The following KHDC1 variants were observed in gnomAD, a reference collection of about 807,000 sequenced individuals.
The protein encoded by KHDC1 is KH domain containing 1, also known as KH homology domain-containing protein 1.
KHDC1 carries 21 observed loss-of-function variants against 24.7 expected under a neutral mutation model. That is an observed-to-expected ratio of 0.85 (90% CI 0.60 to 1.23). The LOEUF (loss-of-function observed/expected upper bound fraction) is 1.23, where lower values mean the gene tolerates loss of function less well. Ranked by LOEUF, KHDC1 falls within the 50% of genes most tolerant of loss-of-function variation. The pLI, the probability that KHDC1 is intolerant of heterozygous loss-of-function variation, is 0.00. For missense variants in KHDC1, 274 were observed against 298.5 expected, an observed-to-expected ratio of 0.92 and a Z score of 0.61; for synonymous variants, 98 against 111.7, an observed-to-expected ratio of 0.88 and a Z score of 0.77.
chr6:73,278,009 G>GTTTT (rs70994182), intron 2 of KHDC1, among the ~76,000 whole-genome samples: 16 of 106,350 alleles, frequency 1.5e-4, no homozygotes, highest in African/African-American at 2.3e-4. Context: ...TCTCTCGGGT[G>GTTTT]TTTTTTTTTT....
At chr6:73,255,796 C>G (rs561148143) in intron 2 of KHDC1, among the ~76,000 whole-genome samples, 1 of 150,456 alleles carries the variant, frequency 6.6e-6, no homozygotes, top group African/African-American at 2.4e-5. Flanking sequence ...CAGCTACTCA[C>G]GAGGCTGAGA....
chr6:73,292,903 G>C (rs1767682521), intron 1 of KHDC1: 1 of 797,240 alleles, frequency 1.3e-6, no homozygotes, highest in Admixed American at 1.9e-5. Flanking sequence ...CAGTGCTTGT[G>C]AACGACTTCT....
chr6:73,292,944 A>G lies in KHDC1; in HGVS notation c.164-904T>C. 21 of 865,262 alleles carry G rather than the reference A, an allele frequency of 2.4e-5. 1 individual carries two copies. In the South Asian group the frequency reaches 2.7e-4, roughly 11 times the overall value. 53.6% of individuals were successfully genotyped at this position (865,262 alleles called of 1,614,324 possible). On this transcript the variant is annotated intron_variant, in intron 1 of 4. Transcript: ENST00000370384. Reference sequence around the variant, plus strand: ...GCTTGTCTTAAGGATTTCATTGACAATGCCCATCTCTTCATATTTGAGACT... The same window carrying G: ...GCTTGTCTTAAGGATTTCATTGACAGTGCCCATCTCTTCATATTTGAGACT...
chr6:73,280,903 T>C (rs545027118), intron 2 of KHDC1, among the ~76,000 whole-genome samples: 1 of 151,250 alleles, frequency 6.6e-6, no homozygotes, highest in East Asian at 2.0e-4. Flanking sequence ...ATCTTCTTCC[T>C]AAAGCACATC....
At chr6:73,265,972 A>C (rs921779867) in intron 2 of KHDC1, among the ~76,000 whole-genome samples, 3 of 152,118 alleles carry the variant, frequency 2.0e-5, no homozygotes, top group Non-Finnish European at 4.4e-5. Flanking sequence ...CCCAGGCTAA[A>C]GTGCAGTGCA....
intron 1 of KHDC1, among the ~76,000 whole-genome samples, chr6:73,306,504 C>G (rs1767965769): frequency 6.6e-6 from 1 of 152,146 alleles, no homozygotes; most frequent in African/African-American, 2.4e-5. Flanking sequence ...TCACTCCAAC[C>G]TGGTTTCTGA....
intron 2 of KHDC1, among the ~76,000 whole-genome samples, chr6:73,284,235 G>A (rs905348480): frequency 3.9e-4 from 59 of 152,222 alleles, no homozygotes; most frequent in Admixed American, 3.3e-3. Context: ...TTACTGCTCA[G>A]AAGGTATGTG....
chr6:73,255,668 G>A (rs1371200360), intron 2 of KHDC1, among the ~76,000 whole-genome samples: 13 of 150,076 alleles, frequency 8.7e-5, no homozygotes, highest in South Asian at 2.1e-4. Context: ...TTGGGAGGCC[G>A]AGGTGGGCAG....
At chr6:73,305,603 T>C (rs1323478639) in intron 1 of KHDC1, among the ~76,000 whole-genome samples, 1 of 152,228 alleles carries the variant, frequency 6.6e-6, no homozygotes, top group South Asian at 2.1e-4. Flanking sequence ...TAAGATATTC[T>C]AGCTACTTTT....
intron 2 of KHDC1, among the ~76,000 whole-genome samples, chr6:73,277,251 G>A (rs1189408783): frequency 6.6e-6 from 1 of 152,136 alleles, no homozygotes; most frequent in Non-Finnish European, 1.5e-5. Flanking sequence ...GATCACCTGA[G>A]GTCAGGAGTT....
intron 2 of KHDC1, among the ~76,000 whole-genome samples, chr6:73,291,710 T>A (rs1045556385): frequency 1.3e-5 from 2 of 152,084 alleles, no homozygotes; most frequent in Admixed American, 6.5e-5. Flanking sequence ...AAGGTGGATT[T>A]TGAATTATTT....
chr6:73,254,442 C>A lies in KHDC1; in HGVS notation c.207-11912G>T, dbSNP rs544258455. 1.0e-4 allele frequency among the ~76,000 whole-genome samples: 15 copies of A among 150,598 alleles called. No individual in the cohort carries two copies. The East Asian group carries it at 2.5e-3, about 25-fold the overall frequency. ...GGCCACTGCACTCCAGCCTGGGCGA[C>A]AGAATGAGACTCTGTCTTAAAATAA... On this transcript the variant is annotated intron_variant, in intron 2 of 4. Transcript: ENST00000370384.
At chr6:73,258,995 C>T (rs1249453873) in intron 2 of KHDC1, among the ~76,000 whole-genome samples, 1 of 152,154 alleles carries the variant, frequency 6.6e-6, no homozygotes, top group African/African-American at 2.4e-5. Context: ...AGAGGAATGG[C>T]AGTAATTGCA....
chr6:73,282,255 TG>T (rs1430554831), intron 2 of KHDC1, among the ~76,000 whole-genome samples: 1 of 151,190 alleles, frequency 6.6e-6, no homozygotes, highest in Non-Finnish European at 1.5e-5. Context: ...TAGTGGAGTT[TG>T]TCTGAAGTCT....
At chr6:73,272,078 G>A (rs1046259008) in intron 2 of KHDC1, among the ~76,000 whole-genome samples, 14 of 151,206 alleles carry the variant, frequency 9.3e-5, no homozygotes, top group African/African-American at 2.7e-4. Context: ...ACTACTCATA[G>A]AAAAGCACAA....
At chr6:73,267,524 T>A (rs1182268249) in intron 2 of KHDC1, among the ~76,000 whole-genome samples, 1 of 152,034 alleles carries the variant, frequency 6.6e-6, no homozygotes, top group Non-Finnish European at 1.5e-5. Context: ...AAAGACAAAA[T>A]TGTTGGCAAA....
intron 2 of KHDC1, among the ~76,000 whole-genome samples, chr6:73,258,238 G>C (rs1766916036): frequency 6.6e-6 from 1 of 152,220 alleles, no homozygotes; most frequent in Non-Finnish European, 1.5e-5. Flanking sequence ...CTGGGCAAGA[G>C]AGCGAGACTC....
intron 2 of KHDC1, among the ~76,000 whole-genome samples, chr6:73,249,729 GGTTTTTATTTTT>G: frequency 6.6e-6 from 1 of 152,014 alleles, no homozygotes; most frequent in Non-Finnish European, 1.5e-5. Context: ...ATGGTAGAGG[GGTTTTTATTTTT>G]GTTTTTATTA....
chr6:73,267,797 T>C, intron 2 of KHDC1, among the ~76,000 whole-genome samples: 1 of 151,870 alleles, frequency 6.6e-6, no homozygotes, highest in East Asian at 1.9e-4. Context: ...GATGAATGGA[T>C]AAACAAAATA....
Sources: allele counts gnomAD v4.1 joint callset (sites outside exome capture counted in the v4.1 genomes callset), GRCh38; gene constraint gnomAD v4.1.1; transcripts MANE v1.5; gene names NCBI Gene and HGNC (gene_info 2026-07-23, HGNC 2026-07-21).